Variants in ABCC5 observed in about 807,000 individuals in gnomAD.
The protein encoded by ABCC5 is ATP binding cassette subfamily C member 5, also known as ATP-binding cassette sub-family C member 5.
ABCC5 carries 61 observed loss-of-function variants against 160.9 expected under a neutral mutation model. That is an observed-to-expected ratio of 0.38 (90% CI 0.31 to 0.47). The LOEUF is 0.47. ABCC5 is among the 20% of genes least tolerant of loss of function. ABCC5 has a pLI of 0.99. For synonymous variants in ABCC5, 666 were observed against 700.6 expected, an observed-to-expected ratio of 0.95 and a Z score of 0.78; for missense variants, 1,308 against 1,813.3, an observed-to-expected ratio of 0.72 and a Z score of 5.06.
At position 183,951,734 on chromosome 3, in the gene ABCC5, A is replaced by C; in HGVS notation, c.2814+123T>G. 2 of 1,478,094 alleles carry C rather than the reference A, an allele frequency of 1.4e-6. No individual in the cohort carries two copies. The highest frequency in any genetic ancestry group is 1.8e-6 in the Non-Finnish European group (2 of 1,090,628). 91.6% of individuals were successfully genotyped at this position (1,478,094 alleles called of 1,614,324 possible). A position where few individuals can be genotyped will look rare whatever the true frequency, so the allele number is the denominator to read the frequency against. On this transcript the variant is annotated intron_variant, in intron 19 of 29. Coordinates refer to ENST00000334444, the MANE Select transcript of ABCC5 (RefSeq NM_005688.4). This position sits in a 1 kb window ranked among gnomAD's most constrained non-coding sequence, Gnocchi z 4.7. ...GGTGGAGGCTAACGGAATATGAGTC[A>C]TCTCAGCCAGGGCCATCCTGGTTAA...
Position 183,987,736 on chromosome 3 carries a change from CT to C in ABCC5, c.591+33del. ...GTTAGAGCTGGCCGTGGCCGGGCCC[CT>C]GGAGACTGTCGGAAAGGATGGTTAG... On this transcript the variant is annotated intron_variant, in intron 5 of 29. Coordinates refer to ENST00000334444, the MANE Select transcript of ABCC5 (RefSeq NM_005688.4). The surrounding 1 kb of genome is among the most constrained non-coding windows in gnomAD (Gnocchi z 4.2). 6.2e-7 allele frequency: 1 copy of C among 1,614,038 alleles called. No homozygotes were observed. The highest frequency in any genetic ancestry group is 8.5e-7 in the Non-Finnish European group (1 of 1,179,974).
rs990946911 is a variant in ABCC5 at position 184,017,597 on chromosome 3, C to T, written c.-56+233G>A. On this transcript the variant is annotated intron_variant, in intron 1 of 29. Transcript: ENST00000334444. The surrounding 1 kb of genome is among the most constrained non-coding windows in gnomAD (Gnocchi z 4.5). The stretch of plus-strand genomic sequence containing the variant: ...CGCGTCCCTGCCCGCTCATCCCGAT[C>T]CTACCTGCCTGTCTTCCAGCACACG... Among the ~76,000 whole-genome samples the T allele has an allele frequency of 3.3e-5, 5 of 152,084 alleles. No homozygotes were observed. Among genetic ancestry groups the T allele is most frequent in the Non-Finnish European group, 5.9e-5 (4 of 67,998 alleles).
intron 24 of ABCC5, among the ~76,000 whole-genome samples, chr3:183,944,523 G>A (rs1714666530): frequency 6.6e-6 from 1 of 152,222 alleles, no homozygotes; most frequent in South Asian, 2.1e-4. Flanking sequence ...CAATGACACA[G>A]ATGCTTGTAA....
At chr3:183,980,667 A>T (rs554835040) in intron 8 of ABCC5, among the ~76,000 whole-genome samples, 13 of 151,756 alleles carry the variant, frequency 8.6e-5, no homozygotes, top group Admixed American at 7.9e-4. Context: ...CCTGAAGGTT[A>T]CTCAATGAAA....
chr3:183,967,996 G>A (rs1181729526), intron 11 of ABCC5, among the ~76,000 whole-genome samples: 1 of 152,096 alleles, frequency 6.6e-6, no homozygotes, highest in East Asian at 1.9e-4. Context: ...TAAATATGCC[G>A]CACACATTCC....
intron 5 of ABCC5, chr3:183,985,463 T>C (rs1719122626): frequency 8.6e-7 from 1 of 1,161,628 alleles, no homozygotes; most frequent in South Asian, 1.2e-5. Flanking sequence ...AAGCTGCAGG[T>C]GGAGAGAGGT....
chr3:184,011,278 A>G (rs1405356702), intron 2 of ABCC5: 1 of 152,096 alleles, frequency 6.6e-6, no homozygotes, highest in African/African-American at 2.4e-5. Context: ...TTTTTTCTGC[A>G]TTGCTTCAAG....
chr3:183,952,672 C>T (rs974532958), intron 18 of ABCC5, among the ~76,000 whole-genome samples: 3 of 152,228 alleles, frequency 2.0e-5, no homozygotes, highest in East Asian at 1.9e-4. Flanking sequence ...TGTCTCTCTT[C>T]TGCCACCTTG....
intron 2 of ABCC5, among the ~76,000 whole-genome samples, chr3:183,992,433 A>C (rs1175194046): frequency 6.6e-6 from 1 of 152,224 alleles, no homozygotes; most frequent in Non-Finnish European, 1.5e-5. Context: ...ATTCTGTGCT[A>C]AACAGTATGA....
At chr3:184,015,210 C>G (rs1034485386) in intron 1 of ABCC5, among the ~76,000 whole-genome samples, 4 of 152,202 alleles carry the variant, frequency 2.6e-5, no homozygotes, top group Non-Finnish European at 5.9e-5. Flanking sequence ...CCCTGTATTA[C>G]TAAGTCTTAC....
chr3:183,983,379 T>A lies in ABCC5; in HGVS notation c.592-372A>T, dbSNP rs1181209619. 1.2e-5 allele frequency: 3 copies of A among 240,776 alleles called. No homozygotes were observed. In the East Asian group the frequency reaches 2.8e-4, roughly 22 times the overall value. The allele number at this position is 240,776 out of a possible 1,614,324, so 14.9% of individuals were successfully genotyped here. A position where few individuals can be genotyped will look rare whatever the true frequency, so the allele number is the denominator to read the frequency against. ...CATTTGTTTACATGAAATTAAGACC[T>A]TTTTTTTGGATCGTTTCAAACGTGC... On this transcript the variant is annotated intron_variant, in intron 5 of 29. Transcript: ENST00000334444.
intron 17 of ABCC5, among the ~76,000 whole-genome samples, chr3:183,955,651 A>G (rs932513588): frequency 2.1e-5 from 3 of 146,206 alleles, no homozygotes; most frequent in African/African-American, 7.5e-5. Context: ...TGTGTATATC[A>G]CATCGGTTAC....
intron 1 of ABCC5, among the ~76,000 whole-genome samples, chr3:184,015,703 A>G (rs986050265): frequency 7.2e-5 from 11 of 152,014 alleles, no homozygotes; most frequent in Admixed American, 5.2e-4. Flanking sequence ...AAAAAAAAAA[A>G]GTCACCTTGT....
rs532775367 is a variant in ABCC5, at chr3:184,003,835, A to T, written c.129+10429T>A. Among the ~76,000 whole-genome samples, 6 of 152,346 alleles carry T rather than the reference A, an allele frequency of 3.9e-5. 2 individuals are homozygous for T. In the South Asian group the frequency reaches 1.2e-3, roughly 32 times the overall value. On this transcript the variant is annotated intron_variant, in intron 2 of 29. Coordinates refer to ENST00000334444, the MANE Select transcript of ABCC5 (RefSeq NM_005688.4). ...TCCTGTTATGTTGGGTCTAAGATTAACTTTGTTAATAGCATGGTAAGGTTT... is the reference window on the plus strand; with the variant it reads ...TCCTGTTATGTTGGGTCTAAGATTATCTTTGTTAATAGCATGGTAAGGTTT...
chr3:183,984,739 G>C, intron 5 of ABCC5: 1 of 1,535,820 alleles, frequency 6.5e-7, no homozygotes, highest in South Asian at 1.2e-5. Flanking sequence ...CTAGCAAGAA[G>C]ATTGGCTTCT....
rs562476995 is a variant in ABCC5, at chr3:183,972,381, T to C, written c.1405-462A>G. Among the ~76,000 whole-genome samples the C allele has an allele frequency of 3.9e-4, 59 of 152,324 alleles. No individual in the cohort carries two copies. In the Middle Eastern group the frequency reaches 0.014, roughly 35 times the overall value. On this transcript the variant is annotated intron_variant, in intron 10 of 29. Coordinates refer to ENST00000334444, the MANE Select transcript of ABCC5 (RefSeq NM_005688.4). ...CACTTCCCACACTCACAGCGCCGCA[T>C]GTATCTAGGAGTAGAGACTGTCACA...
At chr3:183,933,022 G>A (rs1464981929) in intron 26 of ABCC5, among the ~76,000 whole-genome samples, 1 of 152,022 alleles carries the variant, frequency 6.6e-6, no homozygotes, top group Non-Finnish European at 1.5e-5. Context: ...ACAGAAATTA[G>A]CCAGGTGTGG....
intron 2 of ABCC5, among the ~76,000 whole-genome samples, chr3:184,013,436 C>G (rs185281417): frequency 1.4e-4 from 22 of 151,922 alleles, no homozygotes; most frequent in African/African-American, 5.1e-4. Context: ...GTATTTTTAG[C>G]AGAGACAGGG....
intron 24 of ABCC5, among the ~76,000 whole-genome samples, chr3:183,944,128 C>T (rs1419422823): frequency 6.6e-6 from 1 of 152,224 alleles, no homozygotes; most frequent in Non-Finnish European, 1.5e-5. Flanking sequence ...CACTATGGCT[C>T]CTGTCTATAA....
Sources: allele counts gnomAD v4.1 joint callset (sites outside exome capture counted in the v4.1 genomes callset), GRCh38; gene constraint gnomAD v4.1.1; non-coding constraint Gnocchi (gnomAD v3.1); transcripts MANE v1.5; gene names NCBI Gene and HGNC (gene_info 2026-07-23, HGNC 2026-07-21).